Variants in TENM2 observed in about 807,000 individuals in gnomAD.
TENM2 encodes the protein teneurin-2.
Under a neutral mutation model 245.2 loss-of-function variants are expected in TENM2, and 52 were observed. The ratio of observed to expected loss-of-function variants is 0.21; its 90% CI spans 0.17 to 0.27. The LOEUF is 0.27. Ranked by LOEUF, TENM2 falls within the 10% of genes least tolerant of loss-of-function variation. The probability of loss-of-function intolerance (pLI) is 1.00; values close to 1 mark genes in which losing one functional copy is unlikely to be tolerated. For synonymous variants in TENM2, 1,363 were observed against 1,438.9 expected (o/e 0.95, Z 1.19); for missense variants, 3,046 against 3,666.8 (o/e 0.83, Z 4.37).
At chr5:168,130,771 C>T (rs1754505623) in intron 12 of TENM2, among the ~76,000 whole-genome samples, 1 of 152,106 alleles carries the variant, frequency 6.6e-6, no homozygotes, top group Non-Finnish European at 1.5e-5. Flanking sequence ...TGCCTGTAGT[C>T]CCAGCTACTT....
At chr5:167,664,408 G>A (rs184895259) in intron 2 of TENM2, among the ~76,000 whole-genome samples, 1 of 152,266 alleles carries the variant, frequency 6.6e-6, no homozygotes, top group East Asian at 1.9e-4. Context: ...ATGCCCAGCT[G>A]TCAATTATTC....
At chr5:168,159,403 TG>T (rs1449704110) in intron 12 of TENM2, among the ~76,000 whole-genome samples, 2 of 152,188 alleles carry the variant, frequency 1.3e-5, no homozygotes, top group Non-Finnish European at 2.9e-5. Flanking sequence ...GGAGACTTCT[TG>T]GGTGCCCCAG....
At chr5:167,430,830 T>C (rs1229331947) in intron 2 of TENM2, among the ~76,000 whole-genome samples, 1 of 152,202 alleles carries the variant, frequency 6.6e-6, no homozygotes, top group Non-Finnish European at 1.5e-5. Context: ...TGCCTACAAA[T>C]GTCAGAGCCA....
the TENM2 span, among the ~76,000 whole-genome samples, chr5:167,252,837 C>A: frequency 2.0e-3 from 307 of 152,208 alleles, 1 homozygote; most frequent in African/African-American, 7.1e-3. Flanking sequence ...TAGCCCTATG[C>A]CAAGTCAATC....
chr5:167,444,749 C>T (rs1226467274), intron 2 of TENM2, among the ~76,000 whole-genome samples: 4 of 152,114 alleles, frequency 2.6e-5, no homozygotes, highest in Non-Finnish European at 4.4e-5. Flanking sequence ...CTGTAGCCTA[C>T]GTACCTGGCA....
intron 5 of TENM2, among the ~76,000 whole-genome samples, chr5:168,006,218 AG>A (rs1008601598): frequency 1.4e-4 from 21 of 152,220 alleles, no homozygotes; most frequent in African/African-American, 4.3e-4. Context: ...TAAAAGCCAA[AG>A]AAAAGAGCAT....
intron 2 of TENM2, among the ~76,000 whole-genome samples, chr5:167,761,328 C>T (rs1238853641): frequency 6.6e-6 from 1 of 152,054 alleles, no homozygotes; most frequent in Non-Finnish European, 1.5e-5. Context: ...GGGCAGGAAA[C>T]GTGTTTGTGT....
At chr5:167,505,387 G>A (rs1769476044) in intron 2 of TENM2, among the ~76,000 whole-genome samples, 1 of 152,162 alleles carries the variant, frequency 6.6e-6, no homozygotes, top group Non-Finnish European at 1.5e-5. Context: ...GCAGAAGAAT[G>A]TGTGAAGGTA....
chr5:167,410,320 C>G (rs1762841123), intron 2 of TENM2, among the ~76,000 whole-genome samples: 3 of 152,016 alleles, frequency 2.0e-5, no homozygotes, highest in African/African-American at 7.2e-5. Context: ...AACCCACTAC[C>G]TTATCTTTCA....
intron 3 of TENM2, among the ~76,000 whole-genome samples, chr5:167,914,818 G>A (rs991470894): frequency 5.3e-5 from 8 of 152,098 alleles, no homozygotes; most frequent in African/African-American, 1.9e-4. Flanking sequence ...CTCTGCCTGT[G>A]TGGTCACACG....
At chr5:167,368,903 T>G (rs2127292712) in intron 1 of TENM2, among the ~76,000 whole-genome samples, 1 of 152,190 alleles carries the variant, frequency 6.6e-6, no homozygotes, top group Middle Eastern at 3.4e-3. Flanking sequence ...TGAAATTATA[T>G]TTAACATTTA....
intron 2 of TENM2, among the ~76,000 whole-genome samples, chr5:167,780,486 T>C (rs1370942593): frequency 1.3e-5 from 2 of 152,210 alleles, no homozygotes; most frequent in Non-Finnish European, 2.9e-5. Flanking sequence ...TGTGTACTTT[T>C]TGTTGGTGAT....
intron 1 of TENM2, among the ~76,000 whole-genome samples, chr5:167,371,440 C>T (rs1476552484): frequency 6.6e-6 from 1 of 150,682 alleles, no homozygotes; most frequent in East Asian, 2.0e-4. Flanking sequence ...CAGCTCACCA[C>T]AACCTCCGCC....
the TENM2 span, among the ~76,000 whole-genome samples, chr5:167,024,182 C>T: frequency 1.3e-5 from 2 of 152,128 alleles, no homozygotes; most frequent in East Asian, 3.9e-4. Context: ...TTAATCGAGT[C>T]TCTCATTATT....
chr5:168,003,539 T>G lies in TENM2; in HGVS notation c.1186+10357T>G, dbSNP rs185264270. ...CAATTGGGATAAAATATGGAACAGT[T>G]AAAGGACACAAATAGGAGGGGAAAA... On this transcript the variant is annotated intron_variant, in intron 5 of 28. Transcript: ENST00000518659. 1.7e-4 allele frequency among the ~76,000 whole-genome samples: 26 copies of G among 152,268 alleles called. No homozygotes were observed. The East Asian group carries it at 4.6e-3, about 27-fold the overall frequency.
chr5:167,796,315 A>G (rs949993161), intron 2 of TENM2, among the ~76,000 whole-genome samples: 2 of 152,142 alleles, frequency 1.3e-5, no homozygotes, highest in African/African-American at 4.8e-5. Context: ...CCAAAATCCT[A>G]CAAGGGGCTG....
chr5:167,746,829 TGTGTGTGTGC>T (rs1386758060), intron 2 of TENM2, among the ~76,000 whole-genome samples: 3 of 151,960 alleles, frequency 2.0e-5, no homozygotes, highest in African/African-American at 7.2e-5. Context: ...TGTGCGTCTA[TGTGTGTGTGC>T]GTGTGTGTGC....
the TENM2 span, among the ~76,000 whole-genome samples, chr5:167,109,860 T>TTGGAGTAA: frequency 6.6e-6 from 1 of 152,216 alleles, no homozygotes; most frequent in Non-Finnish European, 1.5e-5. Context: ...CCTTAGGGCC[T>TTGGAGTAA]TGGAGTAATG....
At chr5:167,360,765 G>T (rs575325282) in intron 1 of TENM2, among the ~76,000 whole-genome samples, 1 of 152,270 alleles carries the variant, frequency 6.6e-6, no homozygotes, top group African/African-American at 2.4e-5. Flanking sequence ...AGGCTTATGA[G>T]GATAGGTATT....
Sources: allele counts gnomAD v4.1 joint callset (sites outside exome capture counted in the v4.1 genomes callset), GRCh38; gene constraint gnomAD v4.1.1; transcripts MANE v1.5; gene names NCBI Gene and HGNC (gene_info 2026-07-23, HGNC 2026-07-21).